FLI1: variants seen among roughly 807,000 people sequenced by gnomAD.
FLI1 encodes the protein Fli-1 proto-oncogene, ETS transcription factor.
In FLI1, 13 loss-of-function variants were observed where a neutral mutation model predicts 53.1. The observed-to-expected ratio is 0.24, with a 90% CI of 0.16 to 0.39. FLI1 has a LOEUF of 0.39. FLI1 is among the 10% of genes least tolerant of loss of function. The pLI, the probability that FLI1 is intolerant of heterozygous loss-of-function variation, is 1.00. For synonymous variants in FLI1, 244 were observed against 236.7 expected, an observed-to-expected ratio of 1.03 and a Z score of -0.28; for missense variants, 424 against 600.5, an observed-to-expected ratio of 0.71 and a Z score of 3.07.
At chr11:128,720,581 G>A (rs1939211876) in intron 1 of FLI1, among the ~76,000 whole-genome samples, 1 of 152,190 alleles carries the variant, frequency 6.6e-6, no homozygotes, top group South Asian at 2.1e-4. Flanking sequence ...TCCAAGACCG[G>A]ATTGCAGGCA....
At chr11:128,695,651 G>A (rs1938038773) in intron 1 of FLI1, among the ~76,000 whole-genome samples, 1 of 152,172 alleles carries the variant, frequency 6.6e-6, no homozygotes, top group Non-Finnish European at 1.5e-5. Flanking sequence ...CTGGAGATGA[G>A]ATAACTGACT....
At chr11:128,772,435 C>T (rs533144496) in intron 3 of FLI1, among the ~76,000 whole-genome samples, 206 of 152,288 alleles carry the variant, frequency 1.4e-3, no homozygotes, top group African/African-American at 4.7e-3. Flanking sequence ...AGATGGTTCC[C>T]GTTTCCAGAG....
intron 1 of FLI1, among the ~76,000 whole-genome samples, chr11:128,756,456 C>T (rs1470032607): frequency 2.6e-5 from 4 of 152,174 alleles, no homozygotes; most frequent in African/African-American, 4.8e-5. Context: ...CTTAAAGGTC[C>T]TATCTCCAAA....
Position 128,811,456 on chromosome 11 carries a change from C to T in FLI1, c.*468C>T, listed in dbSNP as rs1942934069. The T allele has an allele frequency of 4.3e-6, 1 of 234,998 alleles. No individual in the cohort carries two copies. Among genetic ancestry groups the T allele is most frequent in the African/African-American group, 2.2e-5 (1 of 44,774 alleles). The allele number at this position is 234,998 out of a possible 1,614,324, so 14.6% of individuals were successfully genotyped here. A position where few individuals can be genotyped will look rare whatever the true frequency, so the allele number is the denominator to read the frequency against. ...GCTTATAATCTAATTTTAGGAGGAC[C>T]AAATTCAGTGGATGGCAACTGGAAC... On this transcript the variant is annotated 3_prime_UTR_variant, in exon 9 of 9. Transcript: ENST00000527786.
chr11:128,737,850 C>T (rs897334368), intron 1 of FLI1, among the ~76,000 whole-genome samples: 7 of 152,222 alleles, frequency 4.6e-5, no homozygotes, highest in Non-Finnish European at 8.8e-5. Flanking sequence ...TGATATATAA[C>T]ATCAAGGGCT....
chr11:128,766,942 G>A (rs535202648), intron 2 of FLI1, among the ~76,000 whole-genome samples: 208 of 113,480 alleles, frequency 1.8e-3, no homozygotes, highest in African/African-American at 5.4e-3. Context: ...TATAATGGCG[G>A]CTACAGCTTC....
intron 3 of FLI1, among the ~76,000 whole-genome samples, chr11:128,771,633 T>C (rs371509565): frequency 6.6e-6 from 1 of 152,200 alleles, no homozygotes; most frequent in Admixed American, 6.5e-5. Context: ...TCCTGCCTAA[T>C]AAATATGTTA....
chr11:128,805,400 G>C lies in FLI1; in HGVS notation c.690G>C (p.Trp230Cys). ...ATGACTCAGTCAGAAGAGGAGCTTG[G>C]GGCAATAACATGAATTCTGGCCTCA... is the stretch of plus-strand genomic sequence containing the variant. ...PSYDSVRRGA[W>C]GNNMNSGLNK... Residue 230 changes from tryptophan (W) to cysteine (C), a missense_variant, in exon 6 of 9, where the codon TGG (tryptophan) becomes TGC (cysteine). Trp to Cys is a radical substitution (Grantham distance 215, BLOSUM62 -2). Transcript: ENST00000527786. 6.3e-7 allele frequency: 1 copy of C among 1,588,146 alleles called. No individual in the cohort carries two copies. Among genetic ancestry groups the C allele is most frequent in the Non-Finnish European group, 8.6e-7 (1 of 1,164,584 alleles).
chr11:128,705,270 C>G (rs988183626), intron 1 of FLI1, among the ~76,000 whole-genome samples: 1 of 152,226 alleles, frequency 6.6e-6, no homozygotes, highest in South Asian at 2.1e-4. Context: ...TTCAAGAAGG[C>G]CTATTTCCCA....
chr11:128,730,156 C>T (rs1939635110), intron 1 of FLI1, among the ~76,000 whole-genome samples: 1 of 152,218 alleles, frequency 6.6e-6, no homozygotes. Flanking sequence ...TTATCACCAC[C>T]TTGACTATGC....
intron 1 of FLI1, among the ~76,000 whole-genome samples, chr11:128,712,795 A>T (rs767839876): frequency 3.3e-5 from 5 of 152,164 alleles, no homozygotes; most frequent in Non-Finnish European, 5.9e-5. Flanking sequence ...GAGCCAAAAC[A>T]TATCATACAC....
chr11:128,703,858 A>C (rs1224160729), intron 1 of FLI1, among the ~76,000 whole-genome samples: 2 of 151,338 alleles, frequency 1.3e-5, no homozygotes, highest in African/African-American at 4.8e-5. Context: ...AAAAAAAAAA[A>C]AAAAACAAAC....
intron 1 of FLI1, among the ~76,000 whole-genome samples, chr11:128,756,746 TG>T (rs1034754229): frequency 6.6e-6 from 1 of 152,228 alleles, no homozygotes; most frequent in African/African-American, 2.4e-5. Flanking sequence ...AGACTTACTT[TG>T]GTGTAATTAT....
At chr11:128,756,019 G>T (rs1052104316) in intron 1 of FLI1, among the ~76,000 whole-genome samples, 1 of 152,220 alleles carries the variant, frequency 6.6e-6, no homozygotes, top group Non-Finnish European at 1.5e-5. Context: ...TAATTCTACA[G>T]GCATATGAAG....
At chr11:128,732,932 A>G (rs1939236) in intron 1 of FLI1, among the ~76,000 whole-genome samples, 29,958 of 152,170 alleles carry the variant, frequency 0.2, 3,331 homozygotes, top group Admixed American at 0.34. Context: ...GCGACTTGCA[A>G]TAGTGGCTCT....
intron 1 of FLI1, among the ~76,000 whole-genome samples, chr11:128,688,812 G>A (rs1038268297): frequency 6.6e-6 from 1 of 152,184 alleles, no homozygotes; most frequent in Non-Finnish European, 1.5e-5. Flanking sequence ...ATGGATAACC[G>A]CAACGACATT....
At chr11:128,687,962 G>A (rs563682483) in intron 1 of FLI1, among the ~76,000 whole-genome samples, 20 of 152,336 alleles carry the variant, frequency 1.3e-4, no homozygotes, top group African/African-American at 4.6e-4. Flanking sequence ...AGGTTACAGA[G>A]CATACTTTAA....
chr11:128,685,762 T>C (rs373027360), upstream of FLI1, among the ~76,000 whole-genome samples: 3 of 128,364 alleles, frequency 2.3e-5, no homozygotes, highest in East Asian at 4.5e-4. Flanking sequence ...GGGAGAAAAG[T>C]GCTTTATCAG....
At chr11:128,720,499 G>A (rs759003408) in intron 1 of FLI1, among the ~76,000 whole-genome samples, 1 of 152,126 alleles carries the variant, frequency 6.6e-6, no homozygotes, top group Non-Finnish European at 1.5e-5. Flanking sequence ...AGAAACACTG[G>A]GGGGTGGGGA....
Sources: allele counts gnomAD v4.1 joint callset (sites outside exome capture counted in the v4.1 genomes callset), GRCh38; gene constraint gnomAD v4.1.1; transcripts MANE v1.5; gene names NCBI Gene and HGNC (gene_info 2026-07-23, HGNC 2026-07-21).